The following ICA1L variants were observed in gnomAD, a reference collection of about 807,000 sequenced individuals.
ICA1L encodes islet cell autoantigen 1-like protein.
Under a neutral mutation model 61.3 loss-of-function variants are expected in ICA1L, and 50 were observed. The ratio of observed to expected loss-of-function variants is 0.82; its 90% CI spans 0.65 to 1.03. The LOEUF (loss-of-function observed/expected upper bound fraction) is 1.03. Among genes scored for constraint, ICA1L ranks in the 50% least tolerant of loss-of-function variants. The pLI, the probability that ICA1L is intolerant of heterozygous loss-of-function variation, is 0.00. For missense variants in ICA1L, 508 were observed against 556.7 expected (o/e 0.91, Z 0.88); for synonymous variants, 161 against 191.3 (o/e 0.84, Z 1.31).
At chr2:202,822,008 A>C (rs774355372) in intron 3 of ICA1L, among the ~76,000 whole-genome samples, 5 of 152,236 alleles carry the variant, frequency 3.3e-5, no homozygotes, top group Non-Finnish European at 7.3e-5. Flanking sequence ...GCCATGGACC[A>C]GTATTGGTCC....
At chr2:202,845,657 T>C (rs1371671471) in intron 1 of ICA1L, among the ~76,000 whole-genome samples, 5 of 152,024 alleles carry the variant, frequency 3.3e-5, no homozygotes, top group Non-Finnish European at 5.9e-5. Context: ...CTTTATTCCT[T>C]TTTACACTAT....
intron 4 of ICA1L, 56 bp from the exon 5 acceptor site, chr2:202,819,955 C>G (rs1026977287): frequency 3.7e-6 from 5 of 1,334,634 alleles, no homozygotes; most frequent in Non-Finnish European, 5.3e-6. Context: ...TAAAACAAAA[C>G]AAAGGTTTAA....
chr2:202,815,931 A>G lies in ICA1L; in HGVS notation c.763T>C (p.Tyr255His). The change falls in exon 7 of 13, where the codon TAT becomes CAT. Residue 255 changes from tyrosine to histidine, a missense_variant. Coordinates refer to ENST00000358299, the MANE Select transcript of ICA1L (RefSeq NM_001288622.3). ...TGTACCTTGAGAGCTACAAAATCAT[A>G]CGGATGAAAGCCAATACAGGCTTCA... ...IHEACIGFHP[Y>H]DFVALKQLQD... The G allele has an allele frequency of 1.3e-6, 2 of 1,592,880 alleles. No homozygotes were observed. Among genetic ancestry groups the G allele is most frequent in the Admixed American group, 1.8e-5 (1 of 56,168 alleles).
At chr2:202,798,797 CTT>C (rs911916861) in intron 9 of ICA1L, among the ~76,000 whole-genome samples, 106 of 152,268 alleles carry the variant, frequency 7.0e-4, no homozygotes, top group African/African-American at 2.4e-3. Flanking sequence ...CCTTTCCAGT[CTT>C]TTATCTATTT....
intron 7 of ICA1L, 23 bp from the exon 8 acceptor site, chr2:202,814,807 T>C (rs1693484533): frequency 6.9e-7 from 1 of 1,458,728 alleles, no homozygotes; most frequent in Non-Finnish European, 9.6e-7. Context: ...AAGTCAATGT[T>C]AAGTATATAG....
At chr2:202,811,819 T>G (rs767035935) in intron 8 of ICA1L, 30 bp from the exon 9 acceptor site, 21 of 1,542,468 alleles carry the variant, frequency 1.4e-5, no homozygotes, top group South Asian at 6.8e-5. Flanking sequence ...AAATGTAGAT[T>G]TTTTGTTATA....
intron 10 of ICA1L, among the ~76,000 whole-genome samples, chr2:202,794,345 C>CAAA (rs202022262): frequency 1.3e-3 from 116 of 90,848 alleles, no homozygotes; most frequent in Non-Finnish European, 1.9e-3. Context: ...GACTCCATCT[C>CAAA]AAAAAAAAAA....
At chr2:202,780,374 C>G (rs1018222066) in intron 12 of ICA1L, among the ~76,000 whole-genome samples, 1 of 152,198 alleles carries the variant, frequency 6.6e-6, no homozygotes, top group Non-Finnish European at 1.5e-5. Context: ...ACTTCTTGTT[C>G]ATCAGATCCC....
intron 12 of ICA1L, among the ~76,000 whole-genome samples, chr2:202,784,995 G>A (rs554641274): frequency 1.1e-4 from 17 of 152,048 alleles, no homozygotes; most frequent in South Asian, 6.2e-4. Context: ...TGAGGCGGGC[G>A]GATCATGAGG....
rs2105807134 is a variant in ICA1L, at chr2:202,774,138, A to G, written c.*5395T>C. 7.0e-7 allele frequency: 1 copy of G among 1,434,902 alleles called. No individual in the cohort carries two copies. The highest frequency in any genetic ancestry group is 2.5e-5 in the East Asian group (1 of 40,368). The allele number at this position is 1,434,902 out of a possible 1,614,324, so 88.9% of individuals were successfully genotyped here. ...GCTATTCTCAACTCTTCATTAATCA[A>G]TTCATTTGTTGATGCTTCATATCTG... On this transcript the variant is annotated 3_prime_UTR_variant, in exon 13 of 13. Transcript: ENST00000358299.
intron 2 of ICA1L, among the ~76,000 whole-genome samples, chr2:202,826,719 C>A (rs1347278353): frequency 6.6e-6 from 1 of 152,086 alleles, no homozygotes; most frequent in East Asian, 1.9e-4. Flanking sequence ...ATCCACCTGC[C>A]TCAGCCTCCC....
intron 1 of ICA1L, among the ~76,000 whole-genome samples, chr2:202,830,938 T>A (rs1694000777): frequency 6.6e-6 from 1 of 151,000 alleles, no homozygotes; most frequent in South Asian, 2.1e-4. Context: ...AAAATCGAAA[T>A]CCAACTATAT....
At chr2:202,781,172 T>C (rs1303755709) in intron 12 of ICA1L, among the ~76,000 whole-genome samples, 1 of 152,130 alleles carries the variant, frequency 6.6e-6, no homozygotes. Context: ...CCTCCAGAGA[T>C]TCTTATAGGA....
chr2:202,773,771 T>C lies in ICA1L; in HGVS notation c.*5762A>G. 7.3e-7 allele frequency: 1 copy of C among 1,374,490 alleles called. No homozygotes were observed. The highest frequency in any genetic ancestry group is 1.0e-6 in the Non-Finnish European group (1 of 964,862). 85.1% of individuals were successfully genotyped at this position (1,374,490 alleles called of 1,614,324 possible). On this transcript the variant is annotated 3_prime_UTR_variant, in exon 13 of 13. Coordinates refer to ENST00000358299, the MANE Select transcript of ICA1L (RefSeq NM_001288622.3). ...CCATCCAGGTCCAAAGGTGGAAGAATACATACACCGGTATGGTAATAGGCA... is the reference window on the plus strand; with the variant it reads ...CCATCCAGGTCCAAAGGTGGAAGAACACATACACCGGTATGGTAATAGGCA...
chr2:202,833,952 CA>C (rs2105864640), intron 1 of ICA1L, among the ~76,000 whole-genome samples: 1 of 152,064 alleles, frequency 6.6e-6, no homozygotes, highest in East Asian at 1.9e-4. Flanking sequence ...TCAAAGGACA[CA>C]AAATTTCAGT....
Position 202,776,405 on chromosome 2 carries a change from G to A in ICA1L, c.*3128C>T, listed in dbSNP as rs1206785883. 1 of 151,590 alleles carries A rather than the reference G, an allele frequency of 6.6e-6. No homozygotes were observed. The highest frequency in any genetic ancestry group is 1.5e-5 in the Non-Finnish European group (1 of 67,998). The allele number at this position is 151,590 out of a possible 1,614,324, so 9.4% of individuals were successfully genotyped here. On this transcript the variant is annotated 3_prime_UTR_variant, in exon 13 of 13. Coordinates refer to ENST00000358299, the MANE Select transcript of ICA1L (RefSeq NM_001288622.3). ...TAACATAAAAAATATCTATTTTGAG[G>A]GTTGTTCTCAGCCTACCATTGGTTA...
At chr2:202,832,512 T>C (rs1379931460) in intron 1 of ICA1L, among the ~76,000 whole-genome samples, 2 of 149,966 alleles carry the variant, frequency 1.3e-5, no homozygotes, top group African/African-American at 2.4e-5. Flanking sequence ...TATTAACATA[T>C]ACACAGACTT....
At chr2:202,831,290 A>T (rs1039033409) in intron 1 of ICA1L, among the ~76,000 whole-genome samples, 1 of 152,208 alleles carries the variant, frequency 6.6e-6, no homozygotes, top group African/African-American at 2.4e-5. Flanking sequence ...TAATTTGGGT[A>T]CCTAGGGAGC....
At chr2:202,841,872 T>G (rs2105872904) in intron 1 of ICA1L, 1 of 273,372 alleles carries the variant, frequency 3.7e-6, no homozygotes, top group Admixed American at 4.3e-5. Flanking sequence ...TTTTTTTTTT[T>G]TTTTAGATAG....
Sources: allele counts gnomAD v4.1 joint callset (sites outside exome capture counted in the v4.1 genomes callset), GRCh38; gene constraint gnomAD v4.1.1; transcripts MANE v1.5; gene names NCBI Gene and HGNC (gene_info 2026-07-23, HGNC 2026-07-21).